GALK2: variants seen among roughly 807,000 people sequenced by gnomAD.
The protein encoded by GALK2 is N-acetylgalactosamine kinase.
GALK2 carries 36 observed loss-of-function variants against 52.4 expected under a neutral mutation model. The ratio of observed to expected loss-of-function variants is 0.69; its 90% confidence interval spans 0.53 to 0.91. GALK2 has a LOEUF of 0.91. GALK2 is among the 40% of genes least tolerant of loss of function. GALK2 has a pLI of 0.00. For synonymous variants in GALK2, 176 were observed against 199.1 expected (o/e 0.88, Z 0.98); for missense variants, 579 against 559.1 (o/e 1.04, Z -0.36).
chr15:49,220,325 T>C (rs1408046673), intron 3 of GALK2, among the ~76,000 whole-genome samples: 2 of 152,120 alleles, frequency 1.3e-5, no homozygotes, highest in African/African-American at 2.4e-5. Flanking sequence ...ATGAGATCAG[T>C]TTTTTAAGTT....
At chr15:49,324,635 G>C (rs569597828) in intron 9 of GALK2, among the ~76,000 whole-genome samples, 1 of 152,182 alleles carries the variant, frequency 6.6e-6, no homozygotes, top group South Asian at 2.1e-4. Context: ...TTGAAGGCAC[G>C]GTGTCTAACC....
In GALK2 at chr15:49,312,392, G is replaced by T. The variant is rs575442220; in HGVS notation, c.968-7212G>T. Among the ~76,000 whole-genome samples, 21 of 152,280 alleles carry T rather than the reference G, an allele frequency of 1.4e-4. No individual in the cohort carries two copies. In the South Asian group the frequency reaches 3.9e-3, roughly 29 times the overall value. Reference sequence around the variant, plus strand: ...TCAGATGCTTGTTTCCTCTCCTCAGGAAGGACATCAGATTCTATGTTCTTC... The same window carrying T: ...TCAGATGCTTGTTTCCTCTCCTCAGTAAGGACATCAGATTCTATGTTCTTC... On this transcript the variant is annotated intron_variant, in intron 8 of 9. Coordinates refer to ENST00000560031, the MANE Select transcript of GALK2 (RefSeq NM_002044.4).
Position 49,313,077 on chromosome 15 carries a change from G to T in GALK2, c.968-6527G>T, listed in dbSNP as rs913281643. ...AGGCAGGCTAAGTGTCACATAGTTG[G>T]GAATGGTGAGAACTGTGTGGAATAA... On this transcript the variant is annotated intron_variant, in intron 8 of 9. Coordinates refer to ENST00000560031, the MANE Select transcript of GALK2 (RefSeq NM_002044.4). Among the ~76,000 whole-genome samples the T allele has an allele frequency of 3.3e-5, 5 of 152,198 alleles. No homozygotes were observed. In the East Asian group the frequency reaches 9.6e-4, roughly 29 times the overall value.
At chr15:49,265,404 C>G (rs7167474) in intron 5 of GALK2, among the ~76,000 whole-genome samples, 1 of 152,122 alleles carries the variant, frequency 6.6e-6, no homozygotes, top group Non-Finnish European at 1.5e-5. Context: ...CCTGGTGTGC[C>G]GTTTTTTAAG....
At chr15:49,240,173 C>T (rs987796677) in intron 5 of GALK2, among the ~76,000 whole-genome samples, 6 of 152,086 alleles carry the variant, frequency 3.9e-5, no homozygotes, top group Middle Eastern at 3.2e-3. Flanking sequence ...TTTAGCTGTC[C>T]TGTGTAAGTG....
intron 8 of GALK2, among the ~76,000 whole-genome samples, chr15:49,313,529 G>A (rs570001795): frequency 2.0e-5 from 3 of 152,304 alleles, no homozygotes; most frequent in Admixed American, 1.3e-4. Flanking sequence ...TCCCCAGCAA[G>A]CCCTGTCTTC....
intron 1 of GALK2, among the ~76,000 whole-genome samples, chr15:49,194,450 C>T (rs77965410): frequency 0.15 from 23,125 of 152,116 alleles, 2,262 homozygotes; most frequent in Non-Finnish European, 0.21. Context: ...TATTTATGCA[C>T]TGATATCTCA....
At chr15:49,350,046 C>T (rs2042028912) in intron 3 of GALK2, among the ~76,000 whole-genome samples, 1 of 152,072 alleles carries the variant, frequency 6.6e-6, no homozygotes. Context: ...AATTAGAAGG[C>T]TGCACGTGAC....
rs147805864 is a variant in GALK2 at position 49,212,167 on chromosome 15, A to T, written c.143-5023A>T. 5.6e-3 allele frequency among the ~76,000 whole-genome samples: 857 copies of T among 152,126 alleles called. 6 individuals are homozygous for T. Among genetic ancestry groups the T allele is most frequent in the African/African-American group, 0.02 (815 of 41,490 alleles). ...GAGTGCAGTGGCGCTATCTCAACTC[A>T]CTGCAACCTCCACCTCTCAGATTCA... On this transcript the variant is annotated intron_variant, in intron 2 of 9. Transcript: ENST00000560031.
chr15:49,335,381 A>G (rs74678266), downstream of GALK2: 1,562 of 1,344,130 alleles, frequency 1.2e-3, 13 homozygotes, highest in African/African-American at 0.02. Flanking sequence ...CTAAAAAAGT[A>G]TTATTTTATA....
At chr15:49,333,050 G>A (rs1385285309), downstream of GALK2, among the ~76,000 whole-genome samples, 1 of 151,964 alleles carries the variant, frequency 6.6e-6, no homozygotes, top group Non-Finnish European at 1.5e-5. Flanking sequence ...GAATCTCCTT[G>A]AACTGCACAG....
intron 3 of GALK2, among the ~76,000 whole-genome samples, chr15:49,351,734 C>G (rs1414324501): frequency 6.9e-6 from 1 of 143,886 alleles, no homozygotes; most frequent in Non-Finnish European, 1.5e-5. Flanking sequence ...TGATAACAGT[C>G]CCAATGGATG....
chr15:49,166,059 C>A (rs2084811013), upstream of GALK2, among the ~76,000 whole-genome samples: 1 of 152,032 alleles, frequency 6.6e-6, no homozygotes, highest in Admixed American at 6.5e-5. Context: ...GCCTCGGCCT[C>A]CCAAAGTGCT....
rs529853901 is a variant in GALK2 at position 49,178,373 on chromosome 15, A to G, written c.53+7998A>G. ...GTATATCATGTATACATGTATATAT[A>G]TGTACATATATATATATATGTGAAT... On this transcript the variant is annotated intron_variant, in intron 1 of 9. Coordinates refer to ENST00000560031, the MANE Select transcript of GALK2 (RefSeq NM_002044.4). 2.5e-3 allele frequency: 262 copies of G among 103,512 alleles called. 2 individuals are homozygous for G. The highest frequency in any genetic ancestry group is 8.8e-3 in the African/African-American group (239 of 27,314). 6.4% of individuals were successfully genotyped at this position (103,512 alleles called of 1,614,324 possible). A position where few individuals can be genotyped will look rare whatever the true frequency, so the allele number is the denominator to read the frequency against.
At chr15:49,192,324 A>G (rs1009811884) in intron 1 of GALK2, among the ~76,000 whole-genome samples, 5 of 151,894 alleles carry the variant, frequency 3.3e-5, no homozygotes, top group Non-Finnish European at 5.9e-5. Flanking sequence ...AAGTCGCTAG[A>G]TCAACATTTC....
intron 3 of GALK2, among the ~76,000 whole-genome samples, chr15:49,347,214 G>A (rs190182725): frequency 2.0e-5 from 3 of 152,286 alleles, no homozygotes; most frequent in Admixed American, 1.3e-4. Context: ...AAAATTGCCA[G>A]GACTTGTATT....
intron 3 of GALK2, among the ~76,000 whole-genome samples, chr15:49,223,722 A>G (rs887427919): frequency 1.3e-5 from 2 of 152,114 alleles, no homozygotes; most frequent in African/African-American, 4.8e-5. Flanking sequence ...ATATGATTTC[A>G]TCCTTTTTAT....
chr15:49,209,789 A>T (rs558531814), intron 2 of GALK2, among the ~76,000 whole-genome samples: 1 of 152,154 alleles, frequency 6.6e-6, no homozygotes, highest in South Asian at 2.1e-4. Flanking sequence ...ATTGTCCTGT[A>T]GTTTTCTTTT....
chr15:49,312,732 T>C (rs535082569), intron 8 of GALK2, among the ~76,000 whole-genome samples: 2 of 152,334 alleles, frequency 1.3e-5, no homozygotes, highest in African/African-American at 4.8e-5. Context: ...CTCAACAATG[T>C]GTAAAAGGCA....
Sources: gnomAD v4.1 joint callset for allele counts (sites outside exome capture counted in the v4.1 genomes callset) on GRCh38, gnomAD v4.1.1 for gene constraint, MANE v1.5 for transcripts, NCBI Gene and HGNC (gene_info 2026-07-23, HGNC 2026-07-21) for gene names.